Variants in NKAIN2 observed in about 807,000 individuals in gnomAD.
NKAIN2 encodes the protein sodium/potassium-transporting ATPase subunit beta-1-interacting protein 2.
NKAIN2 carries 14 observed loss-of-function variants against 32.6 expected under a neutral mutation model. That is an observed-to-expected ratio of 0.43 (90% CI 0.28 to 0.67). The LOEUF is 0.67. Ranked by LOEUF, NKAIN2 falls within the 30% of genes least tolerant of loss-of-function variation. The probability of loss-of-function intolerance (pLI) is 0.17; values close to 1 mark genes in which losing one functional copy is unlikely to be tolerated. For missense variants in NKAIN2, 198 were observed against 258.3 expected (o/e 0.77, Z 1.60); for synonymous variants, 80 against 87.2 (o/e 0.92, Z 0.46).
intron 4 of NKAIN2, among the ~76,000 whole-genome samples, chr6:124,724,369 G>T (rs1250852986): frequency 6.6e-6 from 1 of 152,034 alleles, no homozygotes; most frequent in Non-Finnish European, 1.5e-5. Context: ...TTAAAGAATA[G>T]CTATTATAAG....
chr6:124,732,063 T>C (rs1050359205), intron 4 of NKAIN2, among the ~76,000 whole-genome samples: 2 of 152,058 alleles, frequency 1.3e-5, no homozygotes, highest in African/African-American at 2.4e-5. Flanking sequence ...TAGTGCAGTA[T>C]CATATGACCT....
At chr6:124,382,305 CA>C (rs1224080063) in intron 3 of NKAIN2, among the ~76,000 whole-genome samples, 3 of 152,036 alleles carry the variant, frequency 2.0e-5, no homozygotes, top group African/African-American at 7.2e-5. Flanking sequence ...GATTTATGAA[CA>C]ATCTATATTT....
chr6:124,123,987 A>T lies in NKAIN2; in HGVS notation c.55-159018A>T, dbSNP rs144694804. 7.8e-3 allele frequency among the ~76,000 whole-genome samples: 1,139 copies of T among 145,310 alleles called. 14 individuals are homozygous for T. The highest frequency in any genetic ancestry group is 0.028 in the African/African-American group (1,101 of 38,686). The stretch of plus-strand genomic sequence containing the variant: ...GATTCATCAATATCACTGGCCTTTT[A>T]GGATGAGTGATCACAGTCTTCCATG... On this transcript the variant is annotated intron_variant, in intron 1 of 6. Coordinates refer to ENST00000368417, the MANE Select transcript of NKAIN2 (RefSeq NM_001040214.3).
At chr6:124,461,047 T>C (rs1228935748) in intron 3 of NKAIN2, among the ~76,000 whole-genome samples, 1 of 151,720 alleles carries the variant, frequency 6.6e-6, no homozygotes, top group Admixed American at 6.6e-5. Context: ...AAAAGAGAGG[T>C]CACTTATGTT....
intron 4 of NKAIN2, among the ~76,000 whole-genome samples, chr6:124,669,899 T>C (rs1402687783): frequency 6.6e-6 from 1 of 151,958 alleles, no homozygotes; most frequent in Non-Finnish European, 1.5e-5. Context: ...AGCGTACTGC[T>C]CCCCCTCTCA....
At position 124,785,704 on chromosome 6, in the gene NKAIN2, C is replaced by A. The variant is rs114035354; in HGVS notation, c.475-5635C>A. On this transcript the variant is annotated intron_variant, in intron 4 of 6. Coordinates refer to ENST00000368417, the MANE Select transcript of NKAIN2 (RefSeq NM_001040214.3). ...GGTCCTGCCCCCCACTAGCCTCTGA[C>A]TGATAGCTCCATATCTGGCAAGAGC... Among the ~76,000 whole-genome samples the A allele has an allele frequency of 5.9e-3, 904 of 152,246 alleles. 6 individuals are homozygous for A. The highest frequency in any genetic ancestry group is 0.021 in the African/African-American group (867 of 41,550).
intron 3 of NKAIN2, among the ~76,000 whole-genome samples, chr6:124,581,715 G>A (rs183122032): frequency 1.1e-3 from 167 of 152,200 alleles, no homozygotes; most frequent in Middle Eastern, 3.4e-3. Flanking sequence ...ATTTTGGAAA[G>A]GATACAAACA....
At chr6:124,791,920 T>C (rs1299793814) in intron 5 of NKAIN2, among the ~76,000 whole-genome samples, 3 of 152,168 alleles carry the variant, frequency 2.0e-5, no homozygotes, top group Non-Finnish European at 4.4e-5. Flanking sequence ...TTGACACAAA[T>C]GGCTAGAACT....
At chr6:124,017,656 T>C (rs1242748050) in intron 1 of NKAIN2, among the ~76,000 whole-genome samples, 1 of 152,130 alleles carries the variant, frequency 6.6e-6, no homozygotes, top group East Asian at 1.9e-4. Context: ...CAGTCAAATC[T>C]TAAAGCTCCA....
At chr6:124,169,894 T>C (rs533732681) in intron 1 of NKAIN2, among the ~76,000 whole-genome samples, 1 of 152,146 alleles carries the variant, frequency 6.6e-6, no homozygotes, top group Non-Finnish European at 1.5e-5. Context: ...TTGGGTCAAA[T>C]GCTCAGCCTT....
intron 1 of NKAIN2, among the ~76,000 whole-genome samples, chr6:124,269,153 T>C (rs2114869999): frequency 6.6e-6 from 1 of 152,330 alleles, no homozygotes; most frequent in Non-Finnish European, 1.5e-5. Context: ...TAGTCTGTGG[T>C]AGAACTTCTA....
intron 1 of NKAIN2, among the ~76,000 whole-genome samples, chr6:124,077,152 A>C (rs1783731688): frequency 6.6e-6 from 1 of 152,190 alleles, no homozygotes; most frequent in Admixed American, 6.5e-5. Context: ...AGCATCAGTT[A>C]CTGTTTTGTG....
chr6:124,706,814 G>A (rs1365663636), intron 4 of NKAIN2, among the ~76,000 whole-genome samples: 2 of 151,996 alleles, frequency 1.3e-5, no homozygotes, highest in South Asian at 2.1e-4. Flanking sequence ...ATGCATTAAA[G>A]GATGTTTTCT....
chr6:123,863,992 A>G (rs1775889008), intron 1 of NKAIN2, among the ~76,000 whole-genome samples: 1 of 152,230 alleles, frequency 6.6e-6, no homozygotes, highest in South Asian at 2.1e-4. Context: ...AGCTATAAAG[A>G]TCAAAATAAT....
At chr6:124,756,192 T>A (rs1002000737) in intron 4 of NKAIN2, among the ~76,000 whole-genome samples, 1 of 152,182 alleles carries the variant, frequency 6.6e-6, no homozygotes, top group African/African-American at 2.4e-5. Flanking sequence ...GTCCAAGATC[T>A]TCTAACTTGT....
chr6:123,956,387 C>T (rs1406196631), intron 1 of NKAIN2, among the ~76,000 whole-genome samples: 3 of 152,120 alleles, frequency 2.0e-5, no homozygotes, highest in Admixed American at 2.0e-4. Context: ...GGGACCCTAA[C>T]CCAATAGGAC....
intron 1 of NKAIN2, among the ~76,000 whole-genome samples, chr6:124,089,884 A>G (rs1344116653): frequency 6.6e-6 from 1 of 151,976 alleles, no homozygotes; most frequent in Non-Finnish European, 1.5e-5. Context: ...TAAGTTGCCC[A>G]GTGTTAGTAC....
At chr6:124,050,317 C>T (rs1254145625) in intron 1 of NKAIN2, among the ~76,000 whole-genome samples, 4 of 152,010 alleles carry the variant, frequency 2.6e-5, no homozygotes, top group African/African-American at 9.7e-5. Flanking sequence ...TTCACTTAGT[C>T]TGACTGGTCA....
intron 1 of NKAIN2, among the ~76,000 whole-genome samples, chr6:124,100,355 A>G (rs770575295): frequency 6.6e-6 from 1 of 152,244 alleles, no homozygotes; most frequent in African/African-American, 2.4e-5. Context: ...TGGTTTTATC[A>G]TGTCTGAAGA....
Sources: allele counts gnomAD v4.1 joint callset (sites outside exome capture counted in the v4.1 genomes callset), GRCh38; gene constraint gnomAD v4.1.1; transcripts MANE v1.5; gene names NCBI Gene and HGNC (gene_info 2026-07-23, HGNC 2026-07-21).